COL24A1: variants seen among roughly 807,000 people sequenced by gnomAD.
COL24A1 encodes the protein collagen alpha-1(XXIV) chain.
Under a neutral mutation model 253.9 loss-of-function variants are expected in COL24A1, and 224 were observed. That is an observed-to-expected ratio of 0.88 (90% CI 0.79 to 0.99). The LOEUF (loss-of-function observed/expected upper bound fraction) is 0.99. COL24A1 is among the 50% of genes least tolerant of loss of function. The pLI, the probability that COL24A1 is intolerant of heterozygous loss-of-function variation, is 0.00. For synonymous variants in COL24A1, 685 were observed against 673.7 expected, an observed-to-expected ratio of 1.02 and a Z score of -0.26; for missense variants, 2,131 against 2,068.5, an observed-to-expected ratio of 1.03 and a Z score of -0.59.
At chr1:85,801,956 C>T (rs1671471721) in intron 47 of COL24A1, among the ~76,000 whole-genome samples, 1 of 145,932 alleles carries the variant, frequency 6.9e-6, no homozygotes, top group Non-Finnish European at 1.5e-5. Context: ...TCTCTCTCTC[C>T]CTCATGTCTC....
rs544871212 is a variant in COL24A1 at position 86,008,629 on chromosome 1, A to G, written c.2310+8522T>C. ...CTCACCACTTCTTTAACATTGTACTAGGGGTATTACAATACAATTAGCCAT... is the reference window on the plus strand; with the variant it reads ...CTCACCACTTCTTTAACATTGTACTGGGGGTATTACAATACAATTAGCCAT... On this transcript the variant is annotated intron_variant, in intron 19 of 59. Coordinates refer to ENST00000370571, the MANE Select transcript of COL24A1 (RefSeq NM_152890.7). Among the ~76,000 whole-genome samples, 54 of 152,342 alleles carry G rather than the reference A, an allele frequency of 3.5e-4. No homozygotes were observed. The East Asian group carries it at 8.3e-3, about 23-fold the overall frequency.
rs139349176 is a variant in COL24A1 at position 86,144,149 on chromosome 1, CAAT to C, written c.121+1967_121+1969del. Among the ~76,000 whole-genome samples, 989 of 151,996 alleles carry C rather than the reference CAAT, an allele frequency of 6.5e-3. 12 individuals carry two copies. Among genetic ancestry groups the C allele is most frequent in the African/African-American group, 0.023 (942 of 41,466 alleles). On this transcript the variant is annotated intron_variant, in intron 2 of 59. Coordinates refer to ENST00000370571, the MANE Select transcript of COL24A1 (RefSeq NM_152890.7). ...GACTTTTCTTTTTGTTAAGAACTGG[CAAT>C]AAAATTTTAGGTGTATAAAATTGAA...
At chr1:85,780,325 T>C (rs1343123453) in intron 52 of COL24A1, among the ~76,000 whole-genome samples, 3 of 152,188 alleles carry the variant, frequency 2.0e-5, no homozygotes, top group South Asian at 2.1e-4. Context: ...TAATTCAAAA[T>C]ATTAATTCCC....
chr1:85,854,240 T>C (rs1678153792), intron 37 of COL24A1, among the ~76,000 whole-genome samples: 1 of 152,204 alleles, frequency 6.6e-6, no homozygotes, highest in Admixed American at 6.5e-5. Flanking sequence ...CCATTGCTTG[T>C]TATTATCGGC....
Position 85,823,695 on chromosome 1 carries a change from T to G in COL24A1, c.3725A>C (p.Gln1242Pro). 6.2e-7 allele frequency: 1 copy of G among 1,613,920 alleles called. No homozygotes were observed. Among genetic ancestry groups the G allele is most frequent in the South Asian group, 1.1e-5 (1 of 91,048 alleles). ...VPGLRGATGQ[Q>P]GPPGEPGDQG... ...GCTTTCAAAACATACTGGGGGTCCT[T>G]GTTGTCCAGTGGCACCTCTTAGTCC... Residue 1242 changes from glutamine (Q) to proline (P), a missense_variant, in exon 44 of 60, where the codon CAA (glutamine) becomes CCA (proline). Coordinates refer to ENST00000370571, the MANE Select transcript of COL24A1 (RefSeq NM_152890.7).
intron 23 of COL24A1, among the ~76,000 whole-genome samples, chr1:85,964,362 G>T (rs1174182765): frequency 6.6e-6 from 1 of 151,928 alleles, no homozygotes; most frequent in African/African-American, 2.4e-5. Flanking sequence ...AGTGATGAAG[G>T]TTACCCAGTG....
chr1:86,022,640 C>T (rs764140032), intron 16 of COL24A1, 49 bp from the exon 17 acceptor site: 13 of 1,548,832 alleles, frequency 8.4e-6, no homozygotes, highest in East Asian at 6.8e-5. Context: ...ACAAACATGG[C>T]AATATTATAA....
chr1:86,040,895 T>G (rs1296013122), intron 12 of COL24A1, among the ~76,000 whole-genome samples: 2 of 152,150 alleles, frequency 1.3e-5, no homozygotes, highest in African/African-American at 4.8e-5. Flanking sequence ...TAAAAAACAC[T>G]GTCTCTAAAT....
chr1:86,141,434 T>G (rs549728294), intron 2 of COL24A1, among the ~76,000 whole-genome samples: 2 of 152,234 alleles, frequency 1.3e-5, no homozygotes, highest in East Asian at 3.9e-4. Context: ...TGAGAAGGGA[T>G]TTGGCTAAAA....
intron 32 of COL24A1, among the ~76,000 whole-genome samples, chr1:85,882,296 C>G (rs1258519932): frequency 2.0e-4 from 30 of 152,038 alleles, no homozygotes; most frequent in Non-Finnish European, 8.8e-5. Context: ...AAACCCGTCT[C>G]TACTAAAAAT....
intron 24 of COL24A1, among the ~76,000 whole-genome samples, chr1:85,945,338 T>C (rs1237516171): frequency 6.6e-6 from 1 of 151,596 alleles, no homozygotes; most frequent in Non-Finnish European, 1.5e-5. Flanking sequence ...TTCTTAAATA[T>C]AATAATACAT....
At chr1:85,857,310 A>G (rs1678542925) in intron 37 of COL24A1, among the ~76,000 whole-genome samples, 1 of 151,674 alleles carries the variant, frequency 6.6e-6, no homozygotes, top group South Asian at 2.1e-4. Flanking sequence ...GGTGATCACT[A>G]CTCTAGGAAT....
rs146047002 is a variant in COL24A1 at position 85,755,861 on chromosome 1, G to A, written c.4437+5535C>T. Among the ~76,000 whole-genome samples the A allele has an allele frequency of 2.2e-3, 323 of 148,466 alleles. 2 individuals carry two copies. The highest frequency in any genetic ancestry group is 7.6e-3 in the African/African-American group (306 of 40,412). On this transcript the variant is annotated intron_variant, in intron 55 of 59. Transcript: ENST00000370571. The stretch of plus-strand genomic sequence containing the variant: ...CAATGATTTCTTGGAATGATACCAA[G>A]AGCACAGTCAACAAGAGAACAAAGT...
intron 55 of COL24A1, among the ~76,000 whole-genome samples, 185 bp from the exon 56 acceptor site, chr1:85,745,691 G>C (rs1665139105): frequency 6.6e-6 from 1 of 152,136 alleles, no homozygotes; most frequent in Non-Finnish European, 1.5e-5. Flanking sequence ...AGGACAATAT[G>C]CCACCTTCAT....
At chr1:85,884,153 T>C (rs1682199161) in intron 32 of COL24A1, among the ~76,000 whole-genome samples, 1 of 152,128 alleles carries the variant, frequency 6.6e-6, no homozygotes, top group Non-Finnish European at 1.5e-5. Context: ...CACTTTGAAA[T>C]TCCCAGTTTC....
At chr1:85,828,801 T>C (rs1674755482) in intron 43 of COL24A1, among the ~76,000 whole-genome samples, 2 of 142,716 alleles carry the variant, frequency 1.4e-5, no homozygotes, top group Admixed American at 1.4e-4. Flanking sequence ...TCCTTTTATT[T>C]TGAGCCTATG....
intron 13 of COL24A1, 28 bp downstream of exon 13, chr1:86,033,842 C>G: frequency 6.3e-7 from 1 of 1,595,660 alleles, no homozygotes; most frequent in South Asian, 1.1e-5. Flanking sequence ...TGTTAGAATG[C>G]AAGGCTGAAC....
chr1:86,023,810 G>T (rs657540), intron 14 of COL24A1, among the ~76,000 whole-genome samples: 46,979 of 151,738 alleles, frequency 0.31, 7,798 homozygotes, highest in Middle Eastern at 0.5. Context: ...GGCACTTCTT[G>T]GTGGTTTGGG....
At chr1:85,871,069 C>A (rs1045878036) in intron 35 of COL24A1, among the ~76,000 whole-genome samples, 1 of 152,122 alleles carries the variant, frequency 6.6e-6, no homozygotes, top group African/African-American at 2.4e-5. Flanking sequence ...ACTACAAACA[C>A]CCCTATGCAT....
Sources: allele counts gnomAD v4.1 joint callset (sites outside exome capture counted in the v4.1 genomes callset), GRCh38; gene constraint gnomAD v4.1.1; transcripts MANE v1.5; gene names NCBI Gene and HGNC (gene_info 2026-07-23, HGNC 2026-07-21).